SPOCK3: variants seen among roughly 807,000 people sequenced by gnomAD.
The protein encoded by SPOCK3 is SPARC (osteonectin), cwcv and kazal like domains proteoglycan 3, also known as testican-3.
In SPOCK3, 30 loss-of-function variants were observed where a neutral mutation model predicts 56.6. The ratio of observed to expected loss-of-function variants is 0.53; its 90% CI spans 0.40 to 0.72. The LOEUF is 0.72. SPOCK3 is among the 30% of genes least tolerant of loss of function. The pLI is 0.00. For synonymous variants in SPOCK3, 196 were observed against 183.3 expected, an observed-to-expected ratio of 1.07 and a Z score of -0.56; for missense variants, 527 against 530.0, an observed-to-expected ratio of 0.99 and a Z score of 0.06.
At chr4:167,123,056 A>G (rs1761990461) in intron 2 of SPOCK3, among the ~76,000 whole-genome samples, 1 of 151,714 alleles carries the variant, frequency 6.6e-6, no homozygotes, top group South Asian at 2.1e-4. Flanking sequence ...GTGAAAGGGG[A>G]AAAAAAGGTA....
chr4:166,865,829 C>A (rs1731769827), intron 6 of SPOCK3, among the ~76,000 whole-genome samples: 2 of 152,122 alleles, frequency 1.3e-5, no homozygotes, highest in South Asian at 2.1e-4. Context: ...TAGGAAGAAT[C>A]AATATCATGA....
chr4:167,129,611 CCAAATA>C (rs1762549592), intron 2 of SPOCK3, among the ~76,000 whole-genome samples: 1 of 151,790 alleles, frequency 6.6e-6, no homozygotes, highest in African/African-American at 2.4e-5. Flanking sequence ...CCTTGTCACT[CCAAATA>C]CAATGATATT....
At chr4:166,950,795 T>G (rs1489571723) in intron 4 of SPOCK3, among the ~76,000 whole-genome samples, 1 of 149,150 alleles carries the variant, frequency 6.7e-6, no homozygotes, top group Non-Finnish European at 1.5e-5. Flanking sequence ...TCAAAACCGC[T>G]CAACTACATG....
At chr4:166,958,634 G>A (rs996692975) in intron 4 of SPOCK3, among the ~76,000 whole-genome samples, 24 of 152,162 alleles carry the variant, frequency 1.6e-4, no homozygotes, top group African/African-American at 5.6e-4. Flanking sequence ...AAAGTTATAT[G>A]GAGAATAATC....
intron 7 of SPOCK3, among the ~76,000 whole-genome samples, chr4:166,788,668 G>A (rs1740996973): frequency 6.6e-6 from 1 of 151,422 alleles, no homozygotes; most frequent in African/African-American, 2.4e-5. Flanking sequence ...GCTATAAAGT[G>A]AAAATTATTA....
chr4:166,751,877 A>G (rs1161894213), intron 8 of SPOCK3, among the ~76,000 whole-genome samples: 2 of 152,212 alleles, frequency 1.3e-5, no homozygotes, highest in Non-Finnish European at 2.9e-5. Flanking sequence ...AAAGAATTCT[A>G]CAAATTACAA....
intron 10 of SPOCK3, 28 bp from the exon 11 acceptor site, chr4:166,735,118 C>T (rs764578047): frequency 2.1e-6 from 3 of 1,426,860 alleles, no homozygotes; most frequent in South Asian, 1.3e-5. Flanking sequence ...TAAACATAAC[C>T]TTTATTTGAC....
chr4:166,837,165 T>C (rs1746704483), intron 6 of SPOCK3, among the ~76,000 whole-genome samples: 3 of 152,214 alleles, frequency 2.0e-5, no homozygotes, highest in Admixed American at 2.0e-4. Flanking sequence ...TCTTTAAAGA[T>C]TGGGAAGTCT....
intron 2 of SPOCK3, among the ~76,000 whole-genome samples, chr4:167,078,670 C>T (rs2150284575): frequency 6.6e-6 from 1 of 151,644 alleles, no homozygotes; most frequent in South Asian, 2.1e-4. Flanking sequence ...CCCTATGATG[C>T]AGGTATCATC....
intron 2 of SPOCK3, among the ~76,000 whole-genome samples, chr4:167,147,423 C>A (rs1041670435): frequency 6.6e-6 from 1 of 152,080 alleles, no homozygotes; most frequent in Non-Finnish European, 1.5e-5. Context: ...GGATCGAGAA[C>A]TAGAAATACC....
At chr4:166,924,265 T>G (rs1336615132) in intron 4 of SPOCK3, among the ~76,000 whole-genome samples, 1 of 152,204 alleles carries the variant, frequency 6.6e-6, no homozygotes, top group African/African-American at 2.4e-5. Context: ...TATCAAAGAC[T>G]CTTTTCTGCC....
chr4:167,169,303 A>T (rs550538009), intron 2 of SPOCK3, among the ~76,000 whole-genome samples: 3 of 152,336 alleles, frequency 2.0e-5, no homozygotes. Flanking sequence ...TCAATGCCAG[A>T]CTGTGAAAGC....
chr4:167,170,209 T>C (rs979333757), intron 2 of SPOCK3, among the ~76,000 whole-genome samples: 1 of 152,204 alleles, frequency 6.6e-6, no homozygotes, highest in Non-Finnish European at 1.5e-5. Flanking sequence ...ACTGTTTCAC[T>C]ATTGTACATA....
chr4:166,918,151 G>C (rs1432537768), intron 4 of SPOCK3, among the ~76,000 whole-genome samples: 4 of 152,064 alleles, frequency 2.6e-5, no homozygotes, highest in Non-Finnish European at 5.9e-5. Context: ...ATTACATTTT[G>C]CCATGGGTCT....
At chr4:166,817,409 C>A (rs1185146793) in intron 6 of SPOCK3, among the ~76,000 whole-genome samples, 1 of 152,016 alleles carries the variant, frequency 6.6e-6, no homozygotes, top group Non-Finnish European at 1.5e-5. Context: ...AAAGGCATTT[C>A]AGAATGAGGG....
At chr4:166,908,384 C>T (rs1579611936) in intron 5 of SPOCK3, among the ~76,000 whole-genome samples, 2 of 148,028 alleles carry the variant, frequency 1.4e-5, no homozygotes, top group African/African-American at 2.5e-5. Flanking sequence ...CATGGCTACA[C>T]ATAAAAGTCA....
intron 3 of SPOCK3, among the ~76,000 whole-genome samples, chr4:167,011,862 C>T (rs139602138): frequency 6.6e-6 from 1 of 151,930 alleles, no homozygotes; most frequent in African/African-American, 2.4e-5. Context: ...GTGAGGTATG[C>T]TTTTTACAAC....
chr4:166,938,415 A>T (rs1278417133), intron 4 of SPOCK3, among the ~76,000 whole-genome samples: 1 of 152,190 alleles, frequency 6.6e-6, no homozygotes, highest in Non-Finnish European at 1.5e-5. Context: ...GTATACATTC[A>T]TAATTACTTG....
At chr4:167,127,584 C>T (rs759983142) in intron 2 of SPOCK3, among the ~76,000 whole-genome samples, 6 of 152,144 alleles carry the variant, frequency 3.9e-5, no homozygotes, top group South Asian at 2.1e-4. Context: ...CCTGCCACCA[C>T]GCCCAGCTAA....
Sources: gnomAD v4.1 joint callset for allele counts (sites outside exome capture counted in the v4.1 genomes callset) on GRCh38, gnomAD v4.1.1 for gene constraint, MANE v1.5 for transcripts, NCBI Gene and HGNC (gene_info 2026-07-23, HGNC 2026-07-21) for gene names.